Variants in ADCY7 observed in about 807,000 individuals in gnomAD.
The protein encoded by ADCY7 is adenylate cyclase 7.
A neutral mutation model predicts 120.6 loss-of-function variants in ADCY7; 72 were observed. The observed-to-expected ratio is 0.60, with a 90% CI of 0.49 to 0.73. The LOEUF (loss-of-function observed/expected upper bound fraction) is 0.73, where lower values mean the gene tolerates loss of function less well. Ranked by LOEUF, ADCY7 falls within the 30% of genes least tolerant of loss-of-function variation. ADCY7 has a pLI of 0.00. For synonymous variants in ADCY7, 661 were observed against 628.0 expected (o/e 1.05, Z -0.78); for missense variants, 1,227 against 1,486.0 (o/e 0.83, Z 2.87).
intron 1 of ADCY7, among the ~76,000 whole-genome samples, chr16:50,268,782 A>T (rs1412656558): frequency 2.0e-5 from 3 of 152,148 alleles, no homozygotes; most frequent in African/African-American, 4.8e-5. Context: ...AGGAGAAAAG[A>T]TCCCAGCACT....
At chr16:50,313,433 AAC>A (rs1390708819) in intron 22 of ADCY7, 4 of 166,532 alleles carry the variant, frequency 2.4e-5, no homozygotes, top group South Asian at 1.3e-4. Context: ...CAACAACAAC[AAC>A]AAAAAAAAAA....
At chr16:50,291,452 G>A (rs1174786478) in intron 3 of ADCY7, among the ~76,000 whole-genome samples, 1 of 152,042 alleles carries the variant, frequency 6.6e-6, no homozygotes, top group Non-Finnish European at 1.5e-5. Context: ...CGTGGCAGGG[G>A]CACCAGGTGG....
At chr16:50,296,519 G>T (rs1001998082) in intron 7 of ADCY7, among the ~76,000 whole-genome samples, 1 of 152,056 alleles carries the variant, frequency 6.6e-6, no homozygotes, top group South Asian at 2.1e-4. Context: ...ACCACGCCTG[G>T]CTAATTTTTT....
intron 1 of ADCY7, chr16:50,279,488 G>T (rs2034118165): frequency 6.6e-6 from 1 of 151,714 alleles, no homozygotes; most frequent in East Asian, 1.9e-4. Context: ...GGAAAAAGTA[G>T]GGCTATTTCT....
At chr16:50,270,472 A>G (rs1387832289) in intron 1 of ADCY7, among the ~76,000 whole-genome samples, 2 of 152,188 alleles carry the variant, frequency 1.3e-5, no homozygotes, top group African/African-American at 4.8e-5. Context: ...CACCTGTGAA[A>G]TGGGGTTGGT....
upstream of ADCY7, among the ~76,000 whole-genome samples, chr16:50,245,706 C>T (rs2032558984): frequency 6.6e-6 from 1 of 152,092 alleles, no homozygotes; most frequent in Admixed American, 6.5e-5. Context: ...GGCACTGGCC[C>T]GCCGTCTGTG....
intron 1 of ADCY7, among the ~76,000 whole-genome samples, chr16:50,273,003 G>T (rs16948353): frequency 0.44 from 67,234 of 152,026 alleles, 15,421 homozygotes; most frequent in East Asian, 0.68. Context: ...GCTCTCCTGG[G>T]CATGGGTACA....
intron 1 of ADCY7, among the ~76,000 whole-genome samples, chr16:50,284,482 T>A (rs1306968892): frequency 6.6e-6 from 1 of 152,238 alleles, no homozygotes; most frequent in African/African-American, 2.4e-5. Context: ...CCACACACTC[T>A]CACACTTGCA....
In ADCY7 at chr16:50,292,854, G is replaced by A. The variant is rs543225817; in HGVS notation, c.687+29G>A. On this transcript the variant is annotated intron_variant, in intron 5 of 25. Transcript: ENST00000673801. ...GGACCCGGCCCCCACTCCTCACCCTGTACACCCCTGTCCTCTTCCTCTTTC... is the reference window on the plus strand; with the variant it reads ...GGACCCGGCCCCCACTCCTCACCCTATACACCCCTGTCCTCTTCCTCTTTC... 3 of 1,607,854 alleles carry A rather than the reference G, an allele frequency of 1.9e-6. No homozygotes were observed. In the South Asian group the frequency reaches 3.3e-5, roughly 18 times the overall value.
In ADCY7 at chr16:50,304,495, C is replaced by T. The variant is rs550759370; in HGVS notation, c.1504C>T (p.His502Tyr). 15 of 1,606,706 alleles carry T rather than the reference C, an allele frequency of 9.3e-6. No individual in the cohort carries two copies. In the Admixed American group the frequency reaches 2.6e-4, roughly 27 times the overall value. ...GGCACGGCCCTTTGCACATCTCAACCACCGTGAGAGCGTGAGCAGTGGTGA... is the reference window on the plus strand; with the variant it reads ...GGCACGGCCCTTTGCACATCTCAACTACCGTGAGAGCGTGAGCAGTGGTGA... ...GAARPFAHLN[H>Y]RESVSSGETH... is the part of the protein sequence containing the mutation. Residue 502 changes from histidine (H) to tyrosine (Y), a missense_variant, in exon 11 of 26, where the codon CAC becomes TAC. Physicochemically the swap from His to Tyr is moderately conservative, Grantham distance 83. Transcript: ENST00000673801.
Position 50,298,895 on chromosome 16 carries a change from AC to A in ADCY7, c.949-6del, listed in dbSNP as rs761132197. 4 of 1,611,932 alleles carry A rather than the reference AC, an allele frequency of 2.5e-6. No homozygotes were observed. The highest frequency in any genetic ancestry group is 3.4e-6 in the Non-Finnish European group (4 of 1,178,682). ...CTTCCAGTGACCAGGCCCTTCCCTCACCCTGCAGGCCAACGAGTGCATGCGA... is the reference window on the plus strand; with the variant it reads ...CTTCCAGTGACCAGGCCCTTCCCTCACCTGCAGGCCAACGAGTGCATGCGA... On this transcript the variant is annotated splice_region_variant and splice_polypyrimidine_tract_variant and intron_variant, in intron 7 of 25. Coordinates refer to ENST00000673801, the MANE Select transcript of ADCY7 (RefSeq NM_001114.5).
At position 50,317,007 on chromosome 16, in the gene ADCY7, C is replaced by G. The variant is rs2036829862; in HGVS notation, c.*1502C>G. On this transcript the variant is annotated 3_prime_UTR_variant, in exon 26 of 26. Coordinates refer to ENST00000673801, the MANE Select transcript of ADCY7 (RefSeq NM_001114.5). ...GTGACTGACCAGACTTGTTGGGGTC[C>G]TGGGATGAGTTGCCCCGGGCTGCAA... 1 of 152,702 alleles carries G rather than the reference C, an allele frequency of 6.5e-6. No homozygotes were observed. The highest frequency in any genetic ancestry group is 2.1e-4 in the South Asian group (1 of 4,832). The allele number at this position is 152,702 out of a possible 1,614,324, so 9.5% of individuals were successfully genotyped here. A position where few individuals can be genotyped will look rare whatever the true frequency, so the allele number is the denominator to read the frequency against.
chr16:50,267,782 G>A (rs1325447744), intron 1 of ADCY7, among the ~76,000 whole-genome samples: 1 of 152,224 alleles, frequency 6.6e-6, no homozygotes, highest in Non-Finnish European at 1.5e-5. Flanking sequence ...TCTTAGACGA[G>A]GCCAAAGGAG....
chr16:50,307,114 G>A lies in ADCY7; in HGVS notation c.1817G>A (p.Cys606Tyr). Residue 606 changes from cysteine to tyrosine, a missense_variant, in exon 15 of 26, where the codon TGC becomes TAC. Cys to Tyr is a radical substitution (Grantham distance 194). Coordinates refer to ENST00000673801, the MANE Select transcript of ADCY7 (RefSeq NM_001114.5). ...DFACASLIFV[C>Y]ILLVHVLLMP... The stretch of plus-strand genomic sequence containing the variant: ...GCCTGCGCCAGCCTGATCTTCGTCT[G>A]CATCCTGCTCGTCCATGTCCTGCTC... The A allele has an allele frequency of 6.2e-7, 1 of 1,612,104 alleles. No individual in the cohort carries two copies. Among genetic ancestry groups the A allele is most frequent in the African/African-American group, 1.3e-5 (1 of 75,042 alleles).
Position 50,254,662 on chromosome 16 carries a change from T to C in ADCY7, c.-64+8459T>C, listed in dbSNP as rs1410604550. Among the ~76,000 whole-genome samples the C allele has an allele frequency of 2.6e-5, 4 of 152,190 alleles. 1 individual carries two copies. Among genetic ancestry groups the C allele is most frequent in the East Asian group, 3.9e-4 (2 of 5,190 alleles). ...ATGGGATTTTATCCATGTTCATGGATTGGAAGAATTAATATCGTGCAAATG... is the reference window on the plus strand; with the variant it reads ...ATGGGATTTTATCCATGTTCATGGACTGGAAGAATTAATATCGTGCAAATG... On this transcript the variant is annotated intron_variant, in intron 1 of 4. Coordinates refer to the ADCY7 transcript ENST00000564044.
chr16:50,271,678 C>T (rs916454214), intron 1 of ADCY7, among the ~76,000 whole-genome samples: 1 of 152,198 alleles, frequency 6.6e-6, no homozygotes, highest in Admixed American at 6.5e-5. Context: ...CATTTTCACT[C>T]CCAGCTTGGC....
At chr16:50,255,122 CAAAAA>C (rs34287607) in intron 1 of ADCY7, among the ~76,000 whole-genome samples, 201 of 103,394 alleles carry the variant, frequency 1.9e-3, no homozygotes, top group African/African-American at 7.9e-3. Context: ...CTTGTCTCTA[CAAAAA>C]AAAAAAAAAA....
intron 21 of ADCY7, 132 bp from the exon 22 acceptor site, chr16:50,312,758 G>C: frequency 3.0e-5 from 24 of 791,738 alleles, no homozygotes; most frequent in South Asian, 1.3e-4. Context: ...AACTCATGCA[G>C]CCCGCCCCCC....
chr16:50,312,443 G>C (rs1171288172), intron 21 of ADCY7, among the ~76,000 whole-genome samples: 1 of 152,230 alleles, frequency 6.6e-6, no homozygotes, highest in East Asian at 1.9e-4. Flanking sequence ...TCTGTAAAAT[G>C]GGCTGACAGC....
Sources: allele counts gnomAD v4.1 joint callset (sites outside exome capture counted in the v4.1 genomes callset), GRCh38; gene constraint gnomAD v4.1.1; transcripts MANE v1.5; gene names NCBI Gene and HGNC (gene_info 2026-07-23, HGNC 2026-07-21).